The following C8A variants were observed in gnomAD, a reference collection of about 807,000 sequenced individuals.
The protein encoded by C8A is complement component C8 alpha chain.
In C8A, 67 loss-of-function variants were observed where a neutral mutation model predicts 65.3. That is an observed-to-expected ratio of 1.03 (90% confidence interval 0.84 to 1.26). The LOEUF (loss-of-function observed/expected upper bound fraction) is 1.26. Ranked by LOEUF, C8A falls within the 50% of genes most tolerant of loss-of-function variation. C8A has a pLI of 0.00. For synonymous variants in C8A, 290 were observed against 259.4 expected, an observed-to-expected ratio of 1.12 and a Z score of -1.13; for missense variants, 781 against 723.9, an observed-to-expected ratio of 1.08 and a Z score of -0.90.
intron 7 of C8A, among the ~76,000 whole-genome samples, chr1:56,894,548 T>C (rs983209202): frequency 6.6e-6 from 1 of 152,162 alleles, no homozygotes; most frequent in Non-Finnish European, 1.5e-5. Flanking sequence ...TTGATCATCT[T>C]ATTCCAGTCA....
intron 7 of C8A, among the ~76,000 whole-genome samples, chr1:56,891,444 C>A (rs976483064): frequency 2.7e-4 from 41 of 152,124 alleles, no homozygotes; most frequent in African/African-American, 9.7e-4. Flanking sequence ...GGGTCATCAA[C>A]AGGGCAGTGC....
chr1:56,914,622 G>A (rs1451221642), intron 10 of C8A, among the ~76,000 whole-genome samples: 1 of 152,078 alleles, frequency 6.6e-6, no homozygotes, highest in Non-Finnish European at 1.5e-5. Context: ...TAAGTAGGAG[G>A]CAGGATAGCA....
intron 9 of C8A, among the ~76,000 whole-genome samples, chr1:56,908,812 C>G (rs1006892208): frequency 2.6e-5 from 4 of 152,194 alleles, no homozygotes; most frequent in Non-Finnish European, 5.9e-5. Flanking sequence ...GGATTTCAGA[C>G]CTTTGGACTT....
chr1:56,883,890 A>G (rs1272722943), intron 6 of C8A, among the ~76,000 whole-genome samples: 1 of 150,698 alleles, frequency 6.6e-6, no homozygotes, highest in African/African-American at 2.4e-5. Context: ...GAATGATAAG[A>G]CTAGGACTCT....
intron 2 of C8A, among the ~76,000 whole-genome samples, chr1:56,872,803 G>A (rs1233811742): frequency 6.6e-6 from 1 of 152,016 alleles, no homozygotes; most frequent in Non-Finnish European, 1.5e-5. Flanking sequence ...ACACTTCAAA[G>A]AGTGGGAATG....
intron 1 of C8A, among the ~76,000 whole-genome samples, chr1:56,866,289 T>G (rs1259252049): frequency 1.3e-5 from 2 of 152,230 alleles, no homozygotes; most frequent in Admixed American, 6.5e-5. Flanking sequence ...TATGGTAACA[T>G]GTAATAGGTT....
intron 1 of C8A, among the ~76,000 whole-genome samples, chr1:56,865,452 G>A (rs1644076265): frequency 6.6e-6 from 1 of 152,160 alleles, no homozygotes; most frequent in Admixed American, 6.5e-5. Flanking sequence ...TCTTTAATGA[G>A]GGCACTAATT....
In C8A at chr1:56,885,392, TTAAATAAATATATATTTATTTAAATATA is replaced by T. The variant is rs1557705715; in HGVS notation, c.856-532_856-505del. 2.0e-4 allele frequency among the ~76,000 whole-genome samples: 22 copies of T among 110,076 alleles called. No homozygotes were observed. The South Asian group carries it at 4.6e-3, about 23-fold the overall frequency. 72.2% of individuals were successfully genotyped at this position (110,076 alleles called of 152,430 possible). A position where few individuals can be genotyped will look rare whatever the true frequency, so the allele number is the denominator to read the frequency against. ...TATTTATATTTATTTAAATATATAT[TTAAATAAATATATATTTATTTAAATATA>T]TATTTAAATATATATTTAAGTAAAT... On this transcript the variant is annotated intron_variant, in intron 6 of 10. Coordinates refer to ENST00000361249, the MANE Select transcript of C8A (RefSeq NM_000562.3).
chr1:56,882,789 A>G (rs1557704273), intron 5 of C8A, among the ~76,000 whole-genome samples: 2 of 152,154 alleles, frequency 1.3e-5, no homozygotes, highest in African/African-American at 2.4e-5. Flanking sequence ...GGAACAAAGA[A>G]TTCTCAAATC....
Position 56,906,766 on chromosome 1 carries a change from G to T in C8A, c.1196G>T (p.Cys399Phe), listed in dbSNP as rs1644468775. 6.2e-7 allele frequency: 1 copy of T among 1,614,088 alleles called. No individual in the cohort carries two copies. Among genetic ancestry groups the T allele is most frequent in the Non-Finnish European group, 8.5e-7 (1 of 1,179,958 alleles). ...GGTGGAGGTTTATCAGGAGACCATT[G>T]TAAAAAATTTGGAGGTGGCAAAACT... is the stretch of plus-strand genomic sequence containing the variant. Reference protein sequence around the residue: ...NVGGGLSGDHCKKFGGGKTER... With the variant: ...NVGGGLSGDHFKKFGGGKTER... Residue 399 changes from cysteine to phenylalanine, a missense_variant, in exon 8 of 11, where the codon TGT becomes TTT. Cys to Phe is a radical substitution (Grantham distance 205). Coordinates refer to ENST00000361249, the MANE Select transcript of C8A (RefSeq NM_000562.3).
chr1:56,914,530 T>C (rs1557717745), intron 10 of C8A, among the ~76,000 whole-genome samples: 1 of 152,184 alleles, frequency 6.6e-6, no homozygotes, highest in African/African-American at 2.4e-5. Flanking sequence ...TTCTTTAGGA[T>C]TCAAGGGGAT....
chr1:56,877,179 A>C (rs1211937067), intron 4 of C8A, among the ~76,000 whole-genome samples: 2 of 152,202 alleles, frequency 1.3e-5, no homozygotes, highest in African/African-American at 2.4e-5. Context: ...CAACCTTGAT[A>C]ACACCTTGAT....
chr1:56,901,891 C>T lies in C8A; in HGVS notation c.1097-4776C>T, dbSNP rs1342840676. Among the ~76,000 whole-genome samples the T allele has an allele frequency of 2.0e-5, 3 of 152,118 alleles. No homozygotes were observed. The East Asian group carries it at 5.8e-4, about 29-fold the overall frequency. ...TACAATAATTATCTGTTTCCTTGTC[C>T]ATTTCCCCACACTTGACTCTCAGCT... On this transcript the variant is annotated intron_variant, in intron 7 of 10. Coordinates refer to ENST00000361249, the MANE Select transcript of C8A (RefSeq NM_000562.3).
chr1:56,879,016 ATAGT>A (rs1421676945), intron 4 of C8A, among the ~76,000 whole-genome samples: 1 of 152,204 alleles, frequency 6.6e-6, no homozygotes, highest in African/African-American at 2.4e-5. Context: ...CTTCTATAAC[ATAGT>A]TAGCAAACTA....
chr1:56,892,531 C>T (rs2101264570), intron 7 of C8A, among the ~76,000 whole-genome samples: 1 of 152,216 alleles, frequency 6.6e-6, no homozygotes, highest in Non-Finnish European at 1.5e-5. Flanking sequence ...TCTCTCCCCT[C>T]TCTCCCCCTA....
chr1:56,907,979 G>C lies in C8A; in HGVS notation c.1246G>C (p.Val416Leu), dbSNP rs753658569. 2.5e-6 allele frequency: 4 copies of C among 1,614,220 alleles called. No homozygotes were observed. Among genetic ancestry groups the C allele is most frequent in the East Asian group, 2.2e-5 (1 of 44,886 alleles). Residue 416 changes from valine to leucine, a missense_variant, in exon 9 of 11, where the codon GTG (valine) becomes CTG (leucine). Coordinates refer to ENST00000361249, the MANE Select transcript of C8A (RefSeq NM_000562.3). ...AGAAAGGGCCAGGAAGGCCATGGCTGTGGAAGACATTATTTCTCGGGTGCG... is the reference window on the plus strand; with the variant it reads ...AGAAAGGGCCAGGAAGGCCATGGCTCTGGAAGACATTATTTCTCGGGTGCG... The part of the protein sequence containing the change: ...KTERARKAMA[V>L]EDIISRVRGG...
chr1:56,909,445 C>G (rs1644490281), intron 9 of C8A, among the ~76,000 whole-genome samples: 1 of 152,194 alleles, frequency 6.6e-6, no homozygotes, highest in African/African-American at 2.4e-5. Flanking sequence ...AAGTAAGAGA[C>G]CATTTTCATG....
intron 7 of C8A, among the ~76,000 whole-genome samples, chr1:56,894,464 C>A (rs1010377842): frequency 1.3e-5 from 2 of 152,110 alleles, no homozygotes; most frequent in Non-Finnish European, 2.9e-5. Flanking sequence ...TCATCCCTGG[C>A]CCTGATGGAT....
At chr1:56,875,184 T>C in intron 3 of C8A, 91 bp downstream of exon 3, 1 of 1,444,678 alleles carries the variant, frequency 6.9e-7, no homozygotes, top group Non-Finnish European at 9.5e-7. Context: ...TGCATACTCC[T>C]GAGCCCTTCC....
Sources: gnomAD v4.1 joint callset for allele counts (sites outside exome capture counted in the v4.1 genomes callset) on GRCh38, gnomAD v4.1.1 for gene constraint, MANE v1.5 for transcripts, NCBI Gene and HGNC (gene_info 2026-07-23, HGNC 2026-07-21) for gene names.